The following SELENOF variants were observed in gnomAD, a reference collection of about 807,000 sequenced individuals.
SELENOF encodes the protein selenoprotein F.
A neutral mutation model predicts 20.5 loss-of-function variants in SELENOF; 16 were observed. That is an observed-to-expected ratio of 0.78 (90% confidence interval 0.53 to 1.19). SELENOF has a LOEUF of 1.19. Among genes scored for constraint, SELENOF ranks in the 50% most tolerant of loss-of-function variants. The pLI, the probability that SELENOF is intolerant of heterozygous loss-of-function variation, is 0.00. For synonymous variants in SELENOF, 78 were observed against 74.5 expected (o/e 1.05, Z -0.24); for missense variants, 215 against 194.2 (o/e 1.11, Z -0.64).
intron 1 of SELENOF, among the ~76,000 whole-genome samples, chr1:86,912,879 A>G (rs542217356): frequency 6.6e-6 from 1 of 152,264 alleles, no homozygotes; most frequent in East Asian, 1.9e-4. Context: ...TTACACAGCT[A>G]TAGACAACTG....
intron 2 of SELENOF, among the ~76,000 whole-genome samples, chr1:86,888,881 AG>A (rs1297173924): frequency 6.6e-6 from 1 of 152,200 alleles, no homozygotes; most frequent in Non-Finnish European, 1.5e-5. Context: ...TCCTGACCTC[AG>A]GTGATCCACC....
At chr1:86,866,472 A>G (rs1434713900) in intron 4 of SELENOF, among the ~76,000 whole-genome samples, 1 of 152,074 alleles carries the variant, frequency 6.6e-6, no homozygotes, top group Non-Finnish European at 1.5e-5. Context: ...GTGGGCACAG[A>G]AAGATAAAAT....
intron 2 of SELENOF, among the ~76,000 whole-genome samples, chr1:86,890,201 C>T (rs1452143211): frequency 6.6e-6 from 1 of 152,150 alleles, no homozygotes; most frequent in African/African-American, 2.4e-5. Flanking sequence ...TGCCTTTCCA[C>T]TAACTTTTCC....
intron 4 of SELENOF, among the ~76,000 whole-genome samples, chr1:86,865,296 C>T (rs956089185): frequency 5.9e-5 from 9 of 152,042 alleles, no homozygotes; most frequent in African/African-American, 2.2e-4. Flanking sequence ...ACCACTCAAA[C>T]TTATAAACTT....
intron 3 of SELENOF, among the ~76,000 whole-genome samples, chr1:86,871,115 TA>T (rs1658753488): frequency 6.6e-6 from 1 of 152,190 alleles, no homozygotes; most frequent in Non-Finnish European, 1.5e-5. Flanking sequence ...AGGCAGTAAA[TA>T]AATCTTTTAA....
chr1:86,866,845 T>C (rs780502691), intron 4 of SELENOF, among the ~76,000 whole-genome samples: 3 of 152,248 alleles, frequency 2.0e-5, no homozygotes, highest in Admixed American at 6.5e-5. Context: ...GACCTCTTAA[T>C]CACTGCTAGG....
At chr1:86,881,631 AAACAAC>A (rs3835438) in intron 2 of SELENOF, among the ~76,000 whole-genome samples, 3 of 152,192 alleles carry the variant, frequency 2.0e-5, no homozygotes, top group East Asian at 1.9e-4. Flanking sequence ...ACTTAATTAA[AAACAAC>A]AACAACAACA....
intron 2 of SELENOF, chr1:86,887,090 T>G (rs1023849035): frequency 1.7e-4 from 246 of 1,448,500 alleles, no homozygotes; most frequent in South Asian, 6.4e-4. Flanking sequence ...CTACTGGTGT[T>G]TTAAATTTGC....
intron 2 of SELENOF, among the ~76,000 whole-genome samples, chr1:86,900,459 G>C (rs1659669098): frequency 6.6e-6 from 1 of 152,206 alleles, no homozygotes; most frequent in African/African-American, 2.4e-5. Flanking sequence ...GTGGCGGCAC[G>C]CGCCTGCAAT....
intron 3 of SELENOF, among the ~76,000 whole-genome samples, chr1:86,873,088 T>TA (rs1553125418): frequency 4.3e-5 from 5 of 116,738 alleles, no homozygotes; most frequent in South Asian, 2.7e-4. Flanking sequence ...AATAAATAAA[T>TA]AAATAAAATA....
intron 2 of SELENOF, among the ~76,000 whole-genome samples, chr1:86,902,207 A>G (rs1271339378): frequency 1.3e-5 from 2 of 152,234 alleles, no homozygotes; most frequent in African/African-American, 4.8e-5. Flanking sequence ...AGAATAACTT[A>G]TATGTAAAGA....
At chr1:86,890,620 A>G (rs576948890) in intron 2 of SELENOF, among the ~76,000 whole-genome samples, 1 of 151,488 alleles carries the variant, frequency 6.6e-6, no homozygotes, top group East Asian at 1.9e-4. Flanking sequence ...AGCCTCCCAA[A>G]TAGCTAGGAC....
At chr1:86,880,606 A>T in intron 3 of SELENOF, 56 bp downstream of exon 3, 1 of 951,026 alleles carries the variant, frequency 1.1e-6, no homozygotes, top group Non-Finnish European at 1.6e-6. Context: ...AAAACGATTC[A>T]CATAAAATGT....
intron 3 of SELENOF, among the ~76,000 whole-genome samples, chr1:86,869,728 T>C (rs1217537321): frequency 1.3e-5 from 2 of 151,674 alleles, no homozygotes; most frequent in African/African-American, 2.4e-5. Context: ...TCCTTCCTTC[T>C]TTCTTTCTTT....
chr1:86,864,990 G>C (rs1454212771), intron 4 of SELENOF, among the ~76,000 whole-genome samples: 1 of 151,652 alleles, frequency 6.6e-6, no homozygotes, highest in African/African-American at 2.4e-5. Context: ...TTGGATTTGA[G>C]ATCCCAATAT....
At chr1:86,913,909 A>T in intron 1 of SELENOF, 119 bp downstream of exon 1, 1 of 899,724 alleles carries the variant, frequency 1.1e-6, no homozygotes. Context: ...TGGCCGCAGC[A>T]GTCATTAAGG....
In SELENOF at chr1:86,914,073, C is replaced by T. The variant is rs750460723; in HGVS notation, c.39G>A (p.Val13=). ...AMAAGPSGCL[V]PAFGLRLLLA... ...ACAACAACCGTAGCCCAAACGCCGG[C>T]ACCAGACACCCACTCGGCCCAGCCG... The change falls in exon 1 of 5, where the codon GTG becomes GTA. Residue 13 remains valine, a synonymous_variant. Transcript: ENST00000331835. 1.9e-6 allele frequency: 3 copies of T among 1,613,984 alleles called. No homozygotes were observed. The South Asian group carries it at 3.3e-5, about 18-fold the overall frequency.
rs910808905 is a variant in SELENOF at position 86,914,095 on chromosome 1, G to A, written c.17C>T (p.Ala6Val). Reference sequence around the variant, plus strand: ...CGGCACCAGACACCCACTCGGCCCAGCCGCCATCGCTACCATTTTCCGCAG... The same window carrying A: ...CGGCACCAGACACCCACTCGGCCCAACCGCCATCGCTACCATTTTCCGCAG... MVAMA[A>V]GPSGCLVPAF... Residue 6 changes from alanine to valine, a missense_variant, in exon 1 of 5, where the codon GCT becomes GTT. Physicochemically the swap from Ala to Val is moderately conservative, Grantham distance 64. Coordinates refer to ENST00000331835, the MANE Select transcript of SELENOF (RefSeq NM_004261.5). 1.2e-6 allele frequency: 2 copies of A among 1,613,964 alleles called. No individual in the cohort carries two copies. Among genetic ancestry groups the A allele is most frequent in the Non-Finnish European group, 1.7e-6 (2 of 1,179,886 alleles).
At chr1:86,866,012 T>C (rs770201118) in intron 4 of SELENOF, among the ~76,000 whole-genome samples, 5 of 151,618 alleles carry the variant, frequency 3.3e-5, no homozygotes, top group East Asian at 1.9e-4. Context: ...TTAGGCAACA[T>C]AGCAAGACCC....
Sources: allele counts gnomAD v4.1 joint callset (sites outside exome capture counted in the v4.1 genomes callset), GRCh38; gene constraint gnomAD v4.1.1; transcripts MANE v1.5; gene names NCBI Gene and HGNC (gene_info 2026-07-23, HGNC 2026-07-21).